Variants in LOXHD1 observed in about 807,000 individuals in gnomAD.
LOXHD1 encodes lipoxygenase homology PLAT domains 1.
LOXHD1 carries 205 observed loss-of-function variants against 248.2 expected under a neutral mutation model. That is an observed-to-expected ratio of 0.83 (90% CI 0.74 to 0.93). The LOEUF is 0.93. LOXHD1 is among the 40% of genes least tolerant of loss of function. The pLI is 0.00. For missense variants in LOXHD1, 2,930 were observed against 2,971.6 expected, an observed-to-expected ratio of 0.99 and a Z score of 0.33; for synonymous variants, 1,113 against 1,162.8, an observed-to-expected ratio of 0.96 and a Z score of 0.87.
At chr18:46,630,024 C>T (rs1599061912) in intron 4 of LOXHD1, among the ~76,000 whole-genome samples, 1 of 152,090 alleles carries the variant, frequency 6.6e-6, no homozygotes, top group East Asian at 1.9e-4. Flanking sequence ...ATTAATCTAC[C>T]CAAGAAGATT....
intron 34 of LOXHD1, among the ~76,000 whole-genome samples, chr18:46,511,874 G>T (rs2034983963): frequency 6.6e-6 from 1 of 152,168 alleles, no homozygotes; most frequent in South Asian, 2.1e-4. Flanking sequence ...CCAGTCTGAA[G>T]TTCTCCATAT....
At chr18:46,580,886 C>T (rs535875176) in intron 12 of LOXHD1, among the ~76,000 whole-genome samples, 30 of 152,176 alleles carry the variant, frequency 2.0e-4, no homozygotes, top group Non-Finnish European at 4.0e-4. Context: ...GTTCCAGGAG[C>T]AGAGAGAAGG....
In LOXHD1 at chr18:46,657,086, C is replaced by T; in HGVS notation, c.-53G>A. On this transcript the variant is annotated 5_prime_UTR_variant, in exon 1 of 41. It adds an upstream start codon to the 5' untranslated region. Transcript: ENST00000642948. The stretch of plus-strand genomic sequence containing the variant: ...GCAGGCTCACTGTGCCGCCTCCTCA[C>T]ACCTGCGGGAACCTGAGACCTCCTC... The T allele has an allele frequency of 6.4e-7, 1 of 1,550,954 alleles. No homozygotes were observed. The highest frequency in any genetic ancestry group is 8.7e-7 in the Non-Finnish European group (1 of 1,146,644).
In LOXHD1 at chr18:46,501,768, G is replaced by C. The variant is rs188452304; in HGVS notation, c.5878+4070C>G. Among the ~76,000 whole-genome samples the C allele has an allele frequency of 2.1e-3, 324 of 152,340 alleles. 4 individuals carry two copies. The highest frequency in any genetic ancestry group is 3.4e-3 in the Middle Eastern group (1 of 294). ...AGGGCATAACTACCGTGAATAGTGAGAGCCAGCTGTAATTGATTTGTTAAC... is the reference window on the plus strand; with the variant it reads ...AGGGCATAACTACCGTGAATAGTGACAGCCAGCTGTAATTGATTTGTTAAC... On this transcript the variant is annotated intron_variant, in intron 37 of 40. Coordinates refer to ENST00000642948, the MANE Select transcript of LOXHD1 (RefSeq NM_001384474.1).
At chr18:46,576,314 G>A (rs970754447) in intron 14 of LOXHD1, among the ~76,000 whole-genome samples, 6 of 152,132 alleles carry the variant, frequency 3.9e-5, no homozygotes, top group African/African-American at 1.4e-4. Flanking sequence ...AAGCGAGGCT[G>A]TACTCTTCCC....
At chr18:46,520,123 G>C (rs779604638) in intron 33 of LOXHD1, among the ~76,000 whole-genome samples, 5 of 152,176 alleles carry the variant, frequency 3.3e-5, no homozygotes, top group Non-Finnish European at 7.4e-5. Flanking sequence ...GATGTCTGGG[G>C]GGTAGGGGAA....
At chr18:46,563,032 C>CT in intron 18 of LOXHD1, 33 bp downstream of exon 18, 2 of 1,520,386 alleles carry the variant, frequency 1.3e-6, no homozygotes, top group Non-Finnish European at 1.8e-6. Context: ...ACTGAGCCTG[C>CT]TGTTGGCACC....
intron 28 of LOXHD1, among the ~76,000 whole-genome samples, chr18:46,532,309 A>G (rs2036106662): frequency 6.6e-6 from 1 of 152,240 alleles, no homozygotes; most frequent in South Asian, 2.1e-4. Context: ...TGGCTCATGA[A>G]TAACATGGGG....
rs2144004462 is a variant in LOXHD1, at chr18:46,559,610, C to T, written c.3062-8G>A. The T allele has an allele frequency of 3.9e-6, 6 of 1,551,328 alleles. No homozygotes were observed. The highest frequency in any genetic ancestry group is 5.2e-6 in the Non-Finnish European group (6 of 1,146,658). On this transcript the variant is annotated splice_polypyrimidine_tract_variant and splice_region_variant and intron_variant, in intron 19 of 40. Coordinates refer to ENST00000642948, the MANE Select transcript of LOXHD1 (RefSeq NM_001384474.1). ...GAACCTCATAGGTGTTTCCTGTAGA[C>T]ACAGAAAGATGCAGTGTGGAGGGCC...
rs555983471 is a variant in LOXHD1 at position 46,592,239 on chromosome 18, C to T, written c.1519-171G>A. ...ATTTGTTCCTGGTTTCCTGGATACC[C>T]ACACTTGCCTAGCAACCAGATGACT... On this transcript the variant is annotated intron_variant, in intron 11 of 40. Transcript: ENST00000642948. Among the ~76,000 whole-genome samples, 7 of 151,826 alleles carry T rather than the reference C, an allele frequency of 4.6e-5. No homozygotes were observed. In the South Asian group the frequency reaches 1.5e-3, roughly 32 times the overall value.
chr18:46,557,415 G>T lies in LOXHD1; in HGVS notation c.3291C>A (p.Gly1097=). 2 of 1,552,300 alleles carry T rather than the reference G, an allele frequency of 1.3e-6. No homozygotes were observed. Among genetic ancestry groups the T allele is most frequent in the Non-Finnish European group, 1.7e-6 (2 of 1,147,132 alleles). Residue 1097 remains glycine, a synonymous_variant, in exon 21 of 41, where the codon GGC becomes GGA. Transcript: ENST00000642948. The part of the protein sequence containing the change: ...TKIRIRHDNT[G]NRAGWFLDRI... ...TGTCCAGGAACCAGCCTGCTCTGTT[G>T]CCTGTGTTGTCGTGGCGAATCCGAA...
At chr18:46,549,718 C>G (rs1351700853) in intron 21 of LOXHD1, among the ~76,000 whole-genome samples, 1 of 151,434 alleles carries the variant, frequency 6.6e-6, no homozygotes, top group Non-Finnish European at 1.5e-5. Context: ...TTTTGTTCAA[C>G]CCTTTCTGGA....
At chr18:46,585,108 T>A (rs2038035072) in intron 12 of LOXHD1, among the ~76,000 whole-genome samples, 1 of 152,102 alleles carries the variant, frequency 6.6e-6, no homozygotes, top group Admixed American at 6.5e-5. Flanking sequence ...ACAGCTAACA[T>A]CATAGTTAAT....
At chr18:46,511,521 G>A (rs1341493630) in intron 34 of LOXHD1, among the ~76,000 whole-genome samples, 3 of 152,196 alleles carry the variant, frequency 2.0e-5, no homozygotes, top group Non-Finnish European at 4.4e-5. Flanking sequence ...TGCCTGCTAT[G>A]AAAGGCTGTC....
chr18:46,559,183 A>G (rs1330598963), intron 20 of LOXHD1: 2 of 1,442,908 alleles, frequency 1.4e-6, no homozygotes, highest in Non-Finnish European at 1.8e-6. Flanking sequence ...GTGCCTCAGC[A>G]TCTGCCACTC....
intron 10 of LOXHD1, 93 bp downstream of exon 10, chr18:46,593,507 C>T: frequency 1.4e-6 from 2 of 1,438,156 alleles, no homozygotes; most frequent in South Asian, 2.7e-5. Flanking sequence ...CAAACTTGGT[C>T]CAAAACCTGG....
chr18:46,538,204 T>C lies in LOXHD1; in HGVS notation c.4047A>G (p.Glu1349=), dbSNP rs117858046. 70 of 1,541,348 alleles carry C rather than the reference T, an allele frequency of 4.5e-5. No homozygotes were observed. The highest frequency in any genetic ancestry group is 6.0e-5 in the Non-Finnish European group (68 of 1,138,124). ...ACTTCCTCTCAAAGAACTGCTTCTGTTCCCTCTTGTTGGTACACAGATACT... is the reference window on the plus strand; with the variant it reads ...ACTTCCTCTCAAAGAACTGCTTCTGCTCCCTCTTGTTGGTACACAGATACT... The part of the protein sequence containing the change: ...QQKYLCTNKR[E]QKQFFERKSA... Residue 1349 remains glutamate (E), a synonymous_variant, in exon 26 of 41, where the codon GAA becomes GAG. Transcript: ENST00000642948.
intron 31 of LOXHD1, 140 bp from the exon 32 acceptor site, chr18:46,522,449 A>AGACTGGTAAGTTATCT (rs1210074872): frequency 1.5e-6 from 1 of 666,384 alleles, no homozygotes; most frequent in Non-Finnish European, 2.6e-6. Context: ...TGAGCCCTTC[A>AGACTGGTAAGTTATCT]GACTGGTAAG....
chr18:46,566,539 A>C, intron 16 of LOXHD1, 90 bp from the exon 17 acceptor site: 5 of 1,150,590 alleles, frequency 4.3e-6, no homozygotes, highest in Non-Finnish European at 6.3e-6. Context: ...CCAGCACAAA[A>C]CACAACCCAG....
Sources: gnomAD v4.1 joint callset for allele counts (sites outside exome capture counted in the v4.1 genomes callset) on GRCh38, gnomAD v4.1.1 for gene constraint, MANE v1.5 for transcripts, NCBI Gene and HGNC (gene_info 2026-07-23, HGNC 2026-07-21) for gene names.